ENOSF1: variants seen among roughly 807,000 people sequenced by gnomAD.
ENOSF1 encodes mitochondrial enolase superfamily member 1.
Under a neutral mutation model 68.2 loss-of-function variants are expected in ENOSF1, and 73 were observed. The ratio of observed to expected loss-of-function variants is 1.07; its 90% CI spans 0.89 to 1.30. The LOEUF is 1.30. Ranked by LOEUF, ENOSF1 falls within the 50% of genes most tolerant of loss-of-function variation. The pLI is 0.00. For missense variants in ENOSF1, 589 were observed against 554.5 expected (o/e 1.06, Z -0.62); for synonymous variants, 223 against 210.4 (o/e 1.06, Z -0.52).
Position 673,280 on chromosome 18 carries a change from G to A in ENOSF1, c.*1025C>T, listed in dbSNP as rs1273074714. ...ATGTATGTGCTCTTAGCAAAAACATGTATGTGCATTTCAATCCCACGTACT... is the reference window on the plus strand; with the variant it reads ...ATGTATGTGCTCTTAGCAAAAACATATATGTGCATTTCAATCCCACGTACT... On this transcript the variant is annotated 3_prime_UTR_variant, in exon 16 of 16. Transcript: ENST00000647584. 2 of 277,850 alleles carry A rather than the reference G, an allele frequency of 7.2e-6. No homozygotes were observed. Among genetic ancestry groups the A allele is most frequent in the Non-Finnish European group, 1.4e-5 (2 of 147,884 alleles). 17.2% of individuals were successfully genotyped at this position (277,850 alleles called of 1,614,324 possible).
downstream of ENOSF1, among the ~76,000 whole-genome samples, chr18:668,713 G>A (rs556621535): frequency 5.8e-4 from 88 of 152,322 alleles, no homozygotes; most frequent in African/African-American, 2.1e-3. Context: ...AATCGCTGAT[G>A]GGTTTAGAGC....
Position 670,707 on chromosome 18 carries a change from C to T in ENOSF1, c.*3598G>A, listed in dbSNP as rs376500183. ...GGTTCCTCAGATCTTCCTCTGATGG[C>T]GCTGCCTCCATGCCATGCCCTCTGC... On this transcript the variant is annotated 3_prime_UTR_variant, in exon 16 of 16. Transcript: ENST00000647584. 37 of 1,613,896 alleles carry T rather than the reference C, an allele frequency of 2.3e-5. No homozygotes were observed. Among genetic ancestry groups the T allele is most frequent in the Admixed American group, 3.3e-5 (2 of 59,976 alleles).
intron 1 of ENOSF1, among the ~76,000 whole-genome samples, chr18:711,559 G>A (rs2741187): frequency 6.6e-6 from 1 of 151,752 alleles, no homozygotes; most frequent in Non-Finnish European, 1.5e-5. Flanking sequence ...TGGACTACGA[G>A]GGGCAGTGAG....
At chr18:692,256 T>C (rs1454297172) in intron 5 of ENOSF1, 1 of 152,122 alleles carries the variant, frequency 6.6e-6, no homozygotes, top group Non-Finnish European at 1.5e-5. Flanking sequence ...TGACCAATAA[T>C]ACTCTACCAT....
chr18:694,056 C>T, intron 4 of ENOSF1, 148 bp from the exon 5 acceptor site: 1 of 1,052,634 alleles, frequency 9.5e-7, no homozygotes, highest in South Asian at 1.5e-5. Context: ...TTCCGCCATC[C>T]TGTCTCCTCT....
chr18:692,650 T>A, intron 5 of ENOSF1: 3 of 913,290 alleles, frequency 3.3e-6, no homozygotes, highest in Non-Finnish European at 3.9e-6. Flanking sequence ...AGTACTGGCA[T>A]TGAAAGGGAA....
At chr18:691,734 T>C (rs912983771) in intron 5 of ENOSF1, 9 of 161,814 alleles carry the variant, frequency 5.6e-5, no homozygotes, top group African/African-American at 2.2e-4. Context: ...CATTCCTAAA[T>C]GTAGAGTCCT....
chr18:671,024 CTCTTCTGGAAGG>C lies in ENOSF1; in HGVS notation c.*3269_*3280del. On this transcript the variant is annotated 3_prime_UTR_variant, in exon 16 of 16. Coordinates refer to ENST00000647584, the MANE Select transcript of ENOSF1 (RefSeq NM_017512.7). ...AACCAGCTTTTACTTTGAAACCTTC[CTCTTCTGGAAGG>C]TTTTCTGGCCCTGTGGTATACGCAC... is the stretch of plus-strand genomic sequence containing the variant. The C allele has an allele frequency of 1.1e-6, 1 of 928,276 alleles. No individual in the cohort carries two copies. Among genetic ancestry groups the C allele is most frequent in the Non-Finnish European group, 1.6e-6 (1 of 632,930 alleles). 57.5% of individuals were successfully genotyped at this position (928,276 alleles called of 1,614,324 possible).
At chr18:668,654 CTCTG>C (rs2074908238), downstream of ENOSF1, among the ~76,000 whole-genome samples, 1 of 152,186 alleles carries the variant, frequency 6.6e-6, no homozygotes, top group African/African-American at 2.4e-5. Flanking sequence ...ATACAACACT[CTCTG>C]TGAGACAAGG....
chr18:710,554 G>A (rs112221337), intron 1 of ENOSF1, among the ~76,000 whole-genome samples: 2,348 of 151,852 alleles, frequency 0.015, 51 homozygotes, highest in African/African-American at 0.054. Context: ...GTCATCCAGT[G>A]CCCAGGCTGG....
At chr18:687,281 G>A (rs2076702547) in intron 9 of ENOSF1, 2 of 152,218 alleles carry the variant, frequency 1.3e-5, no homozygotes, top group South Asian at 4.1e-4. Context: ...GCTTCATGCT[G>A]CCTCCTTCAA....
downstream of ENOSF1, among the ~76,000 whole-genome samples, chr18:666,933 TGATGGA>T (rs1189045706): frequency 0.06 from 2,850 of 47,568 alleles, 320 homozygotes; most frequent in Middle Eastern, 0.075. Flanking sequence ...ATGGTGATGG[TGATGGA>T]GATGGTGATG....
In ENOSF1 at chr18:706,537, T is replaced by C; in HGVS notation, c.126A>G (p.Glu42=). The stretch of plus-strand genomic sequence containing the variant: ...CCTTGATTCCATCTTCTGCATCAGT[T>C]TCTATGACGACATAGGCAGCCGAGT... ...PDYSAAYVVI[E]TDAEDGIKGC... The change falls in exon 2 of 16, where the codon GAA becomes GAG. Residue 42 remains glutamate (E), a synonymous_variant. Coordinates refer to ENST00000647584, the MANE Select transcript of ENOSF1 (RefSeq NM_017512.7). 1 of 1,613,906 alleles carries C rather than the reference T, an allele frequency of 6.2e-7. No individual in the cohort carries two copies. The highest frequency in any genetic ancestry group is 8.5e-7 in the Non-Finnish European group (1 of 1,179,934).
At chr18:668,915 C>T (rs545918471), downstream of ENOSF1, among the ~76,000 whole-genome samples, 7 of 152,230 alleles carry the variant, frequency 4.6e-5, no homozygotes, top group East Asian at 3.9e-4. Flanking sequence ...CTCAACCCAC[C>T]GAGATCTGCA....
At chr18:691,350 T>C in intron 5 of ENOSF1, 74 bp from the exon 6 acceptor site, 2 of 1,271,234 alleles carry the variant, frequency 1.6e-6, no homozygotes, top group Non-Finnish European at 2.2e-6. Flanking sequence ...TTAAAATTTA[T>C]TATTCTTTTT....
intron 5 of ENOSF1, chr18:693,479 T>C (rs2077407723): frequency 1.0e-6 from 1 of 985,396 alleles, no homozygotes; most frequent in Non-Finnish European, 1.2e-6. Context: ...CTGGCCTGGA[T>C]AATATCTTCA....
chr18:690,372 A>G lies in ENOSF1; in HGVS notation c.618+177T>C, dbSNP rs545852779. Among the ~76,000 whole-genome samples, 16 of 152,322 alleles carry G rather than the reference A, an allele frequency of 1.1e-4. 1 individual carries two copies. In the South Asian group the frequency reaches 2.3e-3, roughly 22 times the overall value. ...ATGTGCTGTCAGAATTGAGTAAAAT[A>G]GCAGGACACCCAGTTGGTGTCCACA... On this transcript the variant is annotated intron_variant, in intron 8 of 15. Transcript: ENST00000647584.
chr18:703,681 A>G (rs1362149236), intron 2 of ENOSF1, among the ~76,000 whole-genome samples: 1 of 152,186 alleles, frequency 6.6e-6, no homozygotes, highest in African/African-American at 2.4e-5. Context: ...ACCTCAAAGC[A>G]TTACTTCTGC....
At chr18:688,909 T>C (rs1017091771) in intron 8 of ENOSF1, among the ~76,000 whole-genome samples, 3 of 152,126 alleles carry the variant, frequency 2.0e-5, no homozygotes, top group South Asian at 4.1e-4. Context: ...GTGGCATCCA[T>C]AGAATGAGTG....
Sources: allele counts gnomAD v4.1 joint callset (sites outside exome capture counted in the v4.1 genomes callset), GRCh38; gene constraint gnomAD v4.1.1; transcripts MANE v1.5; gene names NCBI Gene and HGNC (gene_info 2026-07-23, HGNC 2026-07-21).